The following KTN1 variants were observed in gnomAD, a reference collection of about 807,000 sequenced individuals.
The protein encoded by KTN1 is kinectin 1, also known as kinectin.
KTN1 carries 130 observed loss-of-function variants against 222.5 expected under a neutral mutation model. The ratio of observed to expected loss-of-function variants is 0.58; its 90% CI spans 0.51 to 0.68. KTN1 has a LOEUF of 0.68. Ranked by LOEUF, KTN1 falls within the 30% of genes least tolerant of loss-of-function variation. The pLI is 0.00. For missense variants in KTN1, 1,508 were observed against 1,500.4 expected (o/e 1.01, Z -0.08); for synonymous variants, 512 against 496.3 (o/e 1.03, Z -0.42).
At chr14:55,657,561 A>G (rs1043041453) in intron 29 of KTN1, among the ~76,000 whole-genome samples, 11 of 152,158 alleles carry the variant, frequency 7.2e-5, no homozygotes, top group South Asian at 2.1e-4. Context: ...GTACTCAAAT[A>G]TAAGTAATTT....
intron 34 of KTN1, among the ~76,000 whole-genome samples, 177 bp from the exon 35 acceptor site, chr14:55,670,552 G>A (rs2045348418): frequency 6.6e-6 from 1 of 151,944 alleles, no homozygotes; most frequent in Non-Finnish European, 1.5e-5. Flanking sequence ...TTCAAAGTGG[G>A]TTATGTCCAA....
chr14:55,647,069 A>T, intron 19 of KTN1, 62 bp downstream of exon 19: 1 of 1,010,986 alleles, frequency 9.9e-7, no homozygotes, highest in South Asian at 1.4e-5. Context: ...AACTACATTA[A>T]TTAGAGTTTT....
At position 55,612,194 on chromosome 14, in the gene KTN1, C is replaced by T. The variant is rs1401967945; in HGVS notation, c.146C>T (p.Pro49Leu). ...AKQKREQKLI[P>L]TKTDKKKAEK... Reference sequence around the variant, plus strand: ...CAGAAAAGAGAACAAAAGCTTATTCCTACCAAAACAGATAAAAAGAAAGCA... The same window carrying T: ...CAGAAAAGAGAACAAAAGCTTATTCTTACCAAAACAGATAAAAAGAAAGCA... Residue 49 changes from proline (P) to leucine (L), a missense_variant, in exon 2 of 44, where the codon CCT becomes CTT. Coordinates refer to ENST00000395314, the MANE Select transcript of KTN1 (RefSeq NM_001079521.2). 6.3e-7 allele frequency: 1 copy of T among 1,585,160 alleles called. No individual in the cohort carries two copies. Among genetic ancestry groups the T allele is most frequent in the South Asian group, 1.2e-5 (1 of 84,592 alleles).
chr14:55,682,122 A>C (rs530142349), intron 43 of KTN1: 1 of 152,206 alleles, frequency 6.6e-6, no homozygotes, highest in Non-Finnish European at 1.5e-5. Flanking sequence ...ACAAATATGC[A>C]AGAAATAATA....
At position 55,616,004 on chromosome 14, in the gene KTN1, C is replaced by T. The variant is rs146900861; in HGVS notation, c.524-513C>T. Among the ~76,000 whole-genome samples, 233 of 152,094 alleles carry T rather than the reference C, an allele frequency of 1.5e-3. 1 individual carries two copies. Among genetic ancestry groups the T allele is most frequent in the African/African-American group, 5.0e-3 (207 of 41,442 alleles). On this transcript the variant is annotated intron_variant, in intron 2 of 43. Coordinates refer to ENST00000395314, the MANE Select transcript of KTN1 (RefSeq NM_001079521.2). ...CTTGGCTCACTGCACCTTCGACCTC[C>T]GGGGCTCAAGCTATCCTCCCACCTC...
intron 25 of KTN1, among the ~76,000 whole-genome samples, chr14:55,652,585 G>A (rs934051338): frequency 1.3e-5 from 2 of 152,016 alleles, no homozygotes; most frequent in Admixed American, 1.3e-4. Context: ...ATTTTTAGTA[G>A]AGACGGGGTT....
chr14:55,646,602 T>C (rs1396761015), intron 18 of KTN1, among the ~76,000 whole-genome samples: 1 of 149,446 alleles, frequency 6.7e-6, no homozygotes, highest in Non-Finnish European at 1.5e-5. Flanking sequence ...CTTTTCTTTC[T>C]TTTTTTTTGG....
At chr14:55,616,798 T>A in intron 3 of KTN1, 144 bp downstream of exon 3, 1 of 634,400 alleles carries the variant, frequency 1.6e-6, no homozygotes, top group Non-Finnish European at 2.6e-6. Flanking sequence ...TCTAAAATTA[T>A]CTTTAGCCTT....
chr14:55,661,764 G>A (rs764299641), intron 32 of KTN1, 152 bp downstream of exon 32: 16 of 432,416 alleles, frequency 3.7e-5, no homozygotes, highest in African/African-American at 8.2e-5. Context: ...TTCGGGGGGC[G>A]GGGCATTATT....
At chr14:55,670,633 T>C in intron 34 of KTN1, 96 bp from the exon 35 acceptor site, 1 of 794,516 alleles carries the variant, frequency 1.3e-6, no homozygotes. Flanking sequence ...GTTTCTTTTA[T>C]AATTATCTAA....
At chr14:55,588,953 A>C (rs2033578328) in intron 1 of KTN1, among the ~76,000 whole-genome samples, 1 of 152,150 alleles carries the variant, frequency 6.6e-6, no homozygotes, top group South Asian at 2.1e-4. Flanking sequence ...GCAGTCTCCA[A>C]AAAATTTTCC....
intron 41 of KTN1, 71 bp from the exon 42 acceptor site, chr14:55,678,281 A>G: frequency 1.1e-6 from 1 of 944,238 alleles, no homozygotes; most frequent in Non-Finnish European, 1.7e-6. Flanking sequence ...TACAAAATGA[A>G]TAAAATTATT....
chr14:55,637,722 A>G (rs974306635), intron 11 of KTN1, 57 bp from the exon 12 acceptor site: 8 of 1,230,418 alleles, frequency 6.5e-6, no homozygotes, highest in South Asian at 1.3e-5. Context: ...TTGTGTTCAT[A>G]TACATGGGGT....
intron 6 of KTN1, among the ~76,000 whole-genome samples, chr14:55,628,645 A>G (rs1310952828): frequency 6.6e-6 from 1 of 152,188 alleles, no homozygotes; most frequent in African/African-American, 2.4e-5. Flanking sequence ...TGAGTCATTC[A>G]CCTAGCCACT....
chr14:55,654,552 T>G (rs1052670723), intron 28 of KTN1, among the ~76,000 whole-genome samples: 4 of 143,682 alleles, frequency 2.8e-5, no homozygotes, highest in Admixed American at 6.9e-5. Context: ...TTTTTTTTTT[T>G]GCCATTTTCT....
intron 1 of KTN1, among the ~76,000 whole-genome samples, chr14:55,598,656 T>G (rs1001985605): frequency 6.6e-6 from 1 of 152,196 alleles, no homozygotes; most frequent in African/African-American, 2.4e-5. Flanking sequence ...TTCAGCAGGG[T>G]CTAGAATTCT....
At chr14:55,599,115 TTG>T (rs1304752433) in intron 1 of KTN1, among the ~76,000 whole-genome samples, 3 of 152,226 alleles carry the variant, frequency 2.0e-5, no homozygotes, top group Non-Finnish European at 4.4e-5. Context: ...TGCTGGGTGT[TTG>T]TATGTCTGTG....
At chr14:55,653,701 T>A in intron 28 of KTN1, 105 bp downstream of exon 28, 1 of 782,552 alleles carries the variant, frequency 1.3e-6, no homozygotes, top group Non-Finnish European at 2.1e-6. Flanking sequence ...ATTAACTTTA[T>A]TGTTAAGTGG....
chr14:55,649,193 T>C (rs970442809), intron 21 of KTN1, among the ~76,000 whole-genome samples: 6 of 152,212 alleles, frequency 3.9e-5, no homozygotes, highest in African/African-American at 1.4e-4. Context: ...TCCTAAAGTG[T>C]TGGAATTATA....
Sources: gnomAD v4.1 joint callset for allele counts (sites outside exome capture counted in the v4.1 genomes callset) on GRCh38, gnomAD v4.1.1 for gene constraint, MANE v1.5 for transcripts, NCBI Gene and HGNC (gene_info 2026-07-23, HGNC 2026-07-21) for gene names.